Variants in SNX19 observed in about 807,000 individuals in gnomAD.
SNX19 encodes sorting nexin-19.
Under a neutral mutation model 85.2 loss-of-function variants are expected in SNX19, and 60 were observed. The ratio of observed to expected loss-of-function variants is 0.70; its 90% CI spans 0.57 to 0.87. SNX19 has a LOEUF of 0.87. Among genes scored for constraint, SNX19 ranks in the 40% least tolerant of loss-of-function variants. The pLI, the probability that SNX19 is intolerant of heterozygous loss-of-function variation, is 0.00. For missense variants in SNX19, 1,201 were observed against 1,217.8 expected (o/e 0.99, Z 0.21); for synonymous variants, 520 against 470.0 (o/e 1.11, Z -1.38).
chr11:130,904,788 T>C (rs1466940736), intron 7 of SNX19, among the ~76,000 whole-genome samples: 1 of 152,016 alleles, frequency 6.6e-6, no homozygotes, highest in Admixed American at 6.6e-5. Context: ...AGAGATATGA[T>C]GTTCAACATG....
chr11:130,903,352 C>T lies in SNX19; in HGVS notation c.2476G>A (p.Asp826Asn). The change falls in exon 8 of 11, where the codon GAT (aspartate) becomes AAT (asparagine). Residue 826 changes from aspartate to asparagine, a missense_variant. Asp to Asn is a conservative substitution (Grantham distance 23, BLOSUM62 1). This residue lies in a region of SNX19 where 285 missense variants were observed against 295.3 expected (regional missense o/e 0.97). Coordinates refer to ENST00000265909, the MANE Select transcript of SNX19 (RefSeq NM_014758.3). Reference sequence around the variant, plus strand: ...TCTGTTAGTAGCAAGAGGAGCAGATCCAGGGCTGTGTCAGCTAACTCTGTC... The same window carrying T: ...TCTGTTAGTAGCAAGAGGAGCAGATTCAGGGCTGTGTCAGCTAACTCTGTC... ...TETELADTAL[D>N]LLLLLLTEQW... 1.2e-6 allele frequency: 2 copies of T among 1,613,054 alleles called. No homozygotes were observed.
At chr11:130,892,140 G>C (rs6421608) in intron 8 of SNX19, among the ~76,000 whole-genome samples, 2 of 149,520 alleles carry the variant, frequency 1.3e-5, no homozygotes, top group Non-Finnish European at 3.0e-5. Context: ...CACTGCGCCC[G>C]GCCAATCTGA....
chr11:130,914,197 T>C, intron 1 of SNX19, 69 bp downstream of exon 1: 1 of 1,334,484 alleles, frequency 7.5e-7, no homozygotes, highest in Non-Finnish European at 1.0e-6. Context: ...CCCAAGAACA[T>C]TTGCTTCATG....
intron 8 of SNX19, among the ~76,000 whole-genome samples, chr11:130,894,523 C>T (rs75011833): frequency 2.0e-5 from 3 of 152,154 alleles, no homozygotes; most frequent in South Asian, 2.1e-4. Flanking sequence ...ATCAACATCA[C>T]GGCAGGGGAC....
rs144956456 is a variant in SNX19 at position 130,916,441 on chromosome 11, G to C, written c.-502C>G. ...GCGACTGCGCTCCGCAGCCGGGCCTGTGTGAAGGCTGACCGCCGGCCGGCC... is the reference window on the plus strand; with the variant it reads ...GCGACTGCGCTCCGCAGCCGGGCCTCTGTGAAGGCTGACCGCCGGCCGGCC... On this transcript the variant is annotated 5_prime_UTR_variant, in exon 1 of 11. Coordinates refer to ENST00000265909, the MANE Select transcript of SNX19 (RefSeq NM_014758.3). The C allele has an allele frequency of 0.014, 2,190 of 152,724 alleles. 49 individuals carry two copies. The highest frequency in any genetic ancestry group is 0.049 in the African/African-American group (2,021 of 41,596). The allele number at this position is 152,724 out of a possible 1,614,324, so 9.5% of individuals were successfully genotyped here.
chr11:130,915,430 A>C lies in SNX19; in HGVS notation c.510T>G (p.Ile170Met), dbSNP rs1946489730. 1.2e-6 allele frequency: 2 copies of C among 1,613,826 alleles called. No individual in the cohort carries two copies. The highest frequency in any genetic ancestry group is 1.7e-6 in the Non-Finnish European group (2 of 1,180,042). The change falls in exon 1 of 11, where the codon ATT becomes ATG. Residue 170 changes from isoleucine (I) to methionine (M), a missense_variant. Ile to Met is a conservative substitution (Grantham distance 10). Transcript: ENST00000265909. ...TCCCTGCAGTGGCCTCCTTTGCCTGAATGTAGCTCTGCAGGTGACAACCGC... is the reference window on the plus strand; with the variant it reads ...TCCCTGCAGTGGCCTCCTTTGCCTGCATGTAGCTCTGCAGGTGACAACCGC... ...TLCGCHLQSYIQAKEATAGKN... is the reference protein window; with the variant it reads ...TLCGCHLQSYMQAKEATAGKN...
chr11:130,883,716 G>A (rs903304339), intron 8 of SNX19, among the ~76,000 whole-genome samples: 1 of 152,172 alleles, frequency 6.6e-6, no homozygotes, highest in Non-Finnish European at 1.5e-5. Context: ...TTTGGGCTCA[G>A]CATGGTCTTA....
chr11:130,915,454 G>A lies in SNX19; in HGVS notation c.486C>T (p.Cys162=). 6 of 1,614,032 alleles carry A rather than the reference G, an allele frequency of 3.7e-6. No homozygotes were observed. In the Admixed American group the frequency reaches 5.0e-5, roughly 13 times the overall value. The change falls in exon 1 of 11, where the codon TGC becomes TGT. Residue 162 remains cysteine (C), a synonymous_variant. Coordinates refer to ENST00000265909, the MANE Select transcript of SNX19 (RefSeq NM_014758.3). ...GAATGTAGCTCTGCAGGTGACAACC[G>A]CAGAGAGTCAGAACACTCTGGGCAA... ...HAVAQSVLTL[C]GCHLQSYIQA... is the part of the protein sequence containing the mutation.
chr11:130,897,389 G>GACAC, intron 8 of SNX19, among the ~76,000 whole-genome samples: 1 of 149,536 alleles, frequency 6.7e-6, no homozygotes, highest in African/African-American at 2.5e-5. Flanking sequence ...CACACACACA[G>GACAC]ACACACACAC....
At chr11:130,913,987 G>C (rs1946344259) in intron 1 of SNX19, among the ~76,000 whole-genome samples, 1 of 152,150 alleles carries the variant, frequency 6.6e-6, no homozygotes, top group African/African-American at 2.4e-5. Flanking sequence ...TATCTGAAAG[G>C]CAGCTCAAGT....
chr11:130,890,265 T>G (rs1944405552), intron 8 of SNX19, among the ~76,000 whole-genome samples: 1 of 152,202 alleles, frequency 6.6e-6, no homozygotes, highest in Admixed American at 6.5e-5. Context: ...CAATATCTCA[T>G]GAATCTATTA....
rs748826056 is a variant in SNX19, at chr11:130,914,767, G to T, written c.1173C>A (p.Gly391=). The T allele has an allele frequency of 1.5e-5, 24 of 1,614,194 alleles. No homozygotes were observed. Among genetic ancestry groups the T allele is most frequent in the Non-Finnish European group, 1.9e-5 (23 of 1,180,046 alleles). The change falls in exon 1 of 11, where the codon GGC becomes GGA. Residue 391 remains glycine, a synonymous_variant. Transcript: ENST00000265909. ...CCTGAATCCTGTCAGAGAGAAAGCT[G>T]CCTGGAGTCATGAGCATGATGGTTT... ...GKETIMLMTP[G]SFLSDRIQDA...
Position 130,911,706 on chromosome 11 carries a change from A to G in SNX19, c.1740T>C (p.Asn580=). Residue 580 remains asparagine (N), a synonymous_variant, in exon 2 of 11, where the codon AAT becomes AAC. Coordinates refer to ENST00000265909, the MANE Select transcript of SNX19 (RefSeq NM_014758.3). ...GLQQLAYHTV[N]RRYREFLNLQ... ...GATTCAAGAACTCCCGATAGCGACG[A>G]TTCACAGTGTGGTAGGCCAGCTGCT... The G allele has an allele frequency of 1.7e-5, 28 of 1,614,164 alleles. No individual in the cohort carries two copies. Among genetic ancestry groups the G allele is most frequent in the Non-Finnish European group, 2.4e-5 (28 of 1,180,034 alleles).
At position 130,915,863 on chromosome 11, in the gene SNX19, C is replaced by T. The variant is rs1478995910; in HGVS notation, c.77G>A (p.Ser26Asn). 1 of 1,614,236 alleles carries T rather than the reference C, an allele frequency of 6.2e-7. No individual in the cohort carries two copies. The highest frequency in any genetic ancestry group is 8.5e-7 in the Non-Finnish European group (1 of 1,180,046). Residue 26 changes from serine to asparagine, a missense_variant, in exon 1 of 11, where the codon AGC becomes AAC. Transcript: ENST00000265909. ...SSCHLNNLLS[S>N]RKLMAVGVLL... The stretch of plus-strand genomic sequence containing the variant: ...GACCCCCACAGCCATCAGCTTCCGG[C>T]TACTCAACAGGTTATTGAGGTGACA...
intron 2 of SNX19, among the ~76,000 whole-genome samples, chr11:130,910,693 A>G (rs779620685): frequency 2.0e-5 from 3 of 152,198 alleles, no homozygotes; most frequent in Non-Finnish European, 4.4e-5. Flanking sequence ...CCTATCTCAC[A>G]GGCTGACGGG....
chr11:130,909,016 A>C (rs1044931263), intron 4 of SNX19, among the ~76,000 whole-genome samples: 2 of 152,226 alleles, frequency 1.3e-5, no homozygotes, highest in African/African-American at 4.8e-5. Flanking sequence ...AGAACAAACC[A>C]GGGAAAGAAC....
chr11:130,915,668 C>T lies in SNX19; in HGVS notation c.272G>A (p.Cys91Tyr). 6.2e-7 allele frequency: 1 copy of T among 1,614,244 alleles called. No homozygotes were observed. Among genetic ancestry groups the T allele is most frequent in the Non-Finnish European group, 8.5e-7 (1 of 1,180,042 alleles). ...RFIPLATCPP[C>Y]PEAERQLERE... ...TTCCAGCTGCCTTTCTGCCTCAGGG[C>T]ATGGAGGACAGGTGGCCAACGGGAT... The change falls in exon 1 of 11, where the codon TGC (cysteine) becomes TAC (tyrosine). Residue 91 changes from cysteine (C) to tyrosine (Y), a missense_variant. Cys to Tyr is a radical substitution (Grantham distance 194). Coordinates refer to ENST00000265909, the MANE Select transcript of SNX19 (RefSeq NM_014758.3).
rs150746417 is a variant in SNX19 at position 130,889,455 on chromosome 11, T to C, written c.2574-8649A>G. On this transcript the variant is annotated intron_variant, in intron 8 of 10. Transcript: ENST00000265909. ...ATCTTATGTAATTCATTTTGACATC[T>C]CCTTTAGCATTTAATAGTGTCATTC... Among the ~76,000 whole-genome samples, 232 of 152,256 alleles carry C rather than the reference T, an allele frequency of 1.5e-3. 1 individual carries two copies. The highest frequency in any genetic ancestry group is 6.8e-3 in the Middle Eastern group (2 of 294).
rs771109372 is a variant in SNX19 at position 130,908,080 on chromosome 11, C to A, written c.2038G>T (p.Val680Leu). ...AAGGTGTCCACAATGGCACTCACCA[C>A]CATCTGCAGGGGTCAGAGGTGCAGG... ...PFMVSRIDKM[V>L]VSAIVDTLKT... The change falls in exon 5 of 11, where the codon GTG (valine) becomes TTG (leucine). Residue 680 changes from valine to leucine, a missense_variant. By Grantham distance (32) the Val-to-Leu change is conservative (BLOSUM62 1). Around this residue, in one of 3 missense-constraint regions of SNX19, gnomAD observed 125 missense variants for 171.6 expected, o/e 0.73. Transcript: ENST00000265909. 66 of 1,613,898 alleles carry A rather than the reference C, an allele frequency of 4.1e-5. No homozygotes were observed. The highest frequency in any genetic ancestry group is 5.5e-5 in the Non-Finnish European group (65 of 1,179,962).
Sources: allele counts gnomAD v4.1 joint callset (sites outside exome capture counted in the v4.1 genomes callset), GRCh38; gene constraint gnomAD v4.1.1; regional missense constraint gnomAD v4.1.1; transcripts MANE v1.5; gene names NCBI Gene and HGNC (gene_info 2026-07-23, HGNC 2026-07-21).